HRK: variants seen among roughly 807,000 people sequenced by gnomAD.
The protein encoded by HRK is harakiri, BCL2 interacting protein, also known as activator of apoptosis harakiri.
Under a neutral mutation model 5.9 loss-of-function variants are expected in HRK, and 6 were observed. The ratio of observed to expected loss-of-function variants is 1.02; its 90% CI spans 0.56 to 2.01. The LOEUF (loss-of-function observed/expected upper bound fraction) is 2.01, where lower values mean the gene tolerates loss of function less well. HRK is among the 30% of genes most tolerant of loss of function. The probability of loss-of-function intolerance (pLI) is 0.00; values close to 1 mark genes in which losing one functional copy is unlikely to be tolerated. For synonymous variants in HRK, 85 were observed against 65.1 expected, an observed-to-expected ratio of 1.31 and a Z score of -1.47; for missense variants, 133 against 128.3, an observed-to-expected ratio of 1.04 and a Z score of -0.18.
intron 1 of HRK, among the ~76,000 whole-genome samples, chr12:116,870,278 G>A (rs1878700516): frequency 6.6e-6 from 1 of 152,192 alleles, no homozygotes; most frequent in African/African-American, 2.4e-5. Context: ...AATATTAGAT[G>A]AACATGATTC....
chr12:116,876,338 G>A (rs1028581335), intron 1 of HRK, among the ~76,000 whole-genome samples: 1 of 152,236 alleles, frequency 6.6e-6, no homozygotes, highest in Non-Finnish European at 1.5e-5. Context: ...TCTGGCAGGG[G>A]TGCTGCGAGC....
chr12:116,864,479 A>G (rs1322729954), intron 1 of HRK, among the ~76,000 whole-genome samples: 2 of 152,210 alleles, frequency 1.3e-5, no homozygotes, highest in African/African-American at 4.8e-5. Context: ...TGGGGTTACA[A>G]TTACCAGGGA....
At position 116,879,760 on chromosome 12, in the gene HRK, G is replaced by C. The variant is rs1416130405; in HGVS notation, c.*56+1216C>G. The C allele has an allele frequency of 6.6e-6, 1 of 152,220 alleles. No homozygotes were observed. The highest frequency in any genetic ancestry group is 1.9e-4 in the East Asian group (1 of 5,188). The allele number at this position is 152,220 out of a possible 1,614,324, so 9.4% of individuals were successfully genotyped here. ...TGCCACCCCCCACGCTCCGGCTGCC[G>C]CCTTTCCCCGCGGGCGCAGACGCTC... On this transcript the variant is annotated intron_variant, in intron 1 of 1. Coordinates refer to ENST00000257572, the MANE Select transcript of HRK (RefSeq NM_003806.4). This position sits in a 1 kb window ranked among gnomAD's most constrained non-coding sequence, Gnocchi z 5.6.
intron 1 of HRK, among the ~76,000 whole-genome samples, chr12:116,874,621 G>C (rs1180186210): frequency 6.6e-6 from 1 of 152,168 alleles, no homozygotes; most frequent in East Asian, 1.9e-4. Flanking sequence ...GCCCCACCTT[G>C]AATCTGTATC....
rs1326783591 is a variant in HRK, at chr12:116,858,834, CAAG to C, written c.*2686_*2688del. 2 of 149,612 alleles carry C rather than the reference CAAG, an allele frequency of 1.3e-5. No individual in the cohort carries two copies. The highest frequency in any genetic ancestry group is 3.9e-4 in the East Asian group (2 of 5,068). 9.3% of individuals were successfully genotyped at this position (149,612 alleles called of 1,614,324 possible). A position where few individuals can be genotyped will look rare whatever the true frequency, so the allele number is the denominator to read the frequency against. Reference sequence around the variant, plus strand: ...CACTGTGGAAATATTTTTTAAAAAACAAGAACCACCCCACTATCTCATGCAATC... The same window carrying C: ...CACTGTGGAAATATTTTTTAAAAAACAACCACCCCACTATCTCATGCAATC... On this transcript the variant is annotated 3_prime_UTR_variant, in exon 2 of 2. Coordinates refer to ENST00000257572, the MANE Select transcript of HRK (RefSeq NM_003806.4).
rs1283765215 is a variant in HRK at position 116,879,875 on chromosome 12, AT to A, written c.*56+1100del. Among the ~76,000 whole-genome samples the A allele has an allele frequency of 1.3e-5, 2 of 152,076 alleles. No homozygotes were observed. Among genetic ancestry groups the A allele is most frequent in the Non-Finnish European group, 2.9e-5 (2 of 67,988 alleles). ...GGCGGGGACCTAAGGGCGGCTGGCT[AT>A]GTCACCTTCGAGCTTCACCTTCCGG... On this transcript the variant is annotated intron_variant, in intron 1 of 1. Coordinates refer to ENST00000257572, the MANE Select transcript of HRK (RefSeq NM_003806.4). This position sits in a 1 kb window ranked among gnomAD's most constrained non-coding sequence, Gnocchi z 5.6.
Position 116,858,062 on chromosome 12 carries a change from A to G in HRK, c.*3461T>C, listed in dbSNP as rs2137239482. ...GAGTGAGACTCTGTCTCAAAATAAA[A>G]TAGAAGAAGAAGAAGAAGTGGAAAA... is the stretch of plus-strand genomic sequence containing the variant. On this transcript the variant is annotated 3_prime_UTR_variant, in exon 2 of 2. Coordinates refer to ENST00000257572, the MANE Select transcript of HRK (RefSeq NM_003806.4). The G allele has an allele frequency of 6.7e-6, 1 of 149,552 alleles. No homozygotes were observed. The highest frequency in any genetic ancestry group is 2.0e-4 in the East Asian group (1 of 5,012). 9.3% of individuals were successfully genotyped at this position (149,552 alleles called of 1,614,324 possible).
At chr12:116,871,973 T>A (rs1487114596) in intron 1 of HRK, among the ~76,000 whole-genome samples, 4 of 151,794 alleles carry the variant, frequency 2.6e-5, no homozygotes, top group African/African-American at 9.7e-5. Context: ...CAGGTTGGAG[T>A]ACAGTGGTGT....
In HRK at chr12:116,859,611, C is replaced by T. The variant is rs1397021483; in HGVS notation, c.*1912G>A. 8 of 150,686 alleles carry T rather than the reference C, an allele frequency of 5.3e-5. No homozygotes were observed. The highest frequency in any genetic ancestry group is 8.8e-5 in the Non-Finnish European group (6 of 67,830). 9.3% of individuals were successfully genotyped at this position (150,686 alleles called of 1,614,324 possible). On this transcript the variant is annotated 3_prime_UTR_variant, in exon 2 of 2. Coordinates refer to ENST00000257572, the MANE Select transcript of HRK (RefSeq NM_003806.4). ...AGGGCACGAGTAATGAGGAGAAACA[C>T]GTTCTCCCAAAATAAGCATTATTCT...
chr12:116,857,689 G>GT lies in HRK; in HGVS notation c.*3833dup, dbSNP rs1878200867. On this transcript the variant is annotated 3_prime_UTR_variant, in exon 2 of 2. Coordinates refer to ENST00000257572, the MANE Select transcript of HRK (RefSeq NM_003806.4). ...ACATACATTGTGAAAACCAGTCACA[G>GT]TTTCATTTTTCTGTGACAGTATTGG... The GT allele has an allele frequency of 6.6e-6, 1 of 152,190 alleles. No homozygotes were observed. Among genetic ancestry groups the GT allele is most frequent in the Admixed American group, 6.5e-5 (1 of 15,268 alleles). The allele number at this position is 152,190 out of a possible 1,614,324, so 9.4% of individuals were successfully genotyped here. A position where few individuals can be genotyped will look rare whatever the true frequency, so the allele number is the denominator to read the frequency against.
chr12:116,881,148 C>T lies in HRK; in HGVS notation c.160G>A (p.Ala54Thr). 2.5e-6 allele frequency: 3 copies of T among 1,185,640 alleles called. No homozygotes were observed. The highest frequency in any genetic ancestry group is 3.1e-6 in the Non-Finnish European group (3 of 959,936). 73.4% of individuals were successfully genotyped at this position (1,185,640 alleles called of 1,614,324 possible). ...GGCGCCGGCGCCCTCCGGCTCCGCG[C>T]GCGGCGCCGCCACATGGTGCGCTGG... is the stretch of plus-strand genomic sequence containing the variant. ...LHQRTMWRRRARSRRAPAPGA... is the reference protein window; with the variant it reads ...LHQRTMWRRRTRSRRAPAPGA... The change falls in exon 1 of 2, where the codon GCG becomes ACG. Residue 54 changes from alanine (A) to threonine (T), a missense_variant. Physicochemically the swap from Ala to Thr is moderately conservative, Grantham distance 58. Coordinates refer to ENST00000257572, the MANE Select transcript of HRK (RefSeq NM_003806.4).
chr12:116,865,520 C>A, intron 1 of HRK, among the ~76,000 whole-genome samples: 1 of 152,182 alleles, frequency 6.6e-6, no homozygotes, highest in East Asian at 1.9e-4. Context: ...GAGCCAGACC[C>A]TGTCTCAATA....
chr12:116,880,949 C>G, intron 1 of HRK, 27 bp downstream of exon 1: 3 of 1,094,808 alleles, frequency 2.7e-6, no homozygotes, highest in Non-Finnish European at 3.5e-6. Context: ...CTGCCGCGCC[C>G]CGGCTCTCGC....
At chr12:116,880,225 G>A (rs1209779601) in intron 1 of HRK, among the ~76,000 whole-genome samples, 1 of 152,194 alleles carries the variant, frequency 6.6e-6, no homozygotes, top group Non-Finnish European at 1.5e-5. Flanking sequence ...GCTTCCCATT[G>A]GAGTTTCCCT....
chr12:116,865,066 A>G (rs79427865), intron 1 of HRK, among the ~76,000 whole-genome samples: 6,449 of 152,172 alleles, frequency 0.042, 324 homozygotes, highest in East Asian at 0.13. Context: ...ACTTGAACCC[A>G]CAAGGTCCTG....
chr12:116,858,985 C>T lies in HRK; in HGVS notation c.*2538G>A, dbSNP rs1173467701. 6.6e-6 allele frequency: 1 copy of T among 152,018 alleles called. No homozygotes were observed. Among genetic ancestry groups the T allele is most frequent in the African/African-American group, 2.4e-5 (1 of 41,380 alleles). The allele number at this position is 152,018 out of a possible 1,614,324, so 9.4% of individuals were successfully genotyped here. On this transcript the variant is annotated 3_prime_UTR_variant, in exon 2 of 2. Coordinates refer to ENST00000257572, the MANE Select transcript of HRK (RefSeq NM_003806.4). ...ATAAAAACAAGCATTAAAAACAACC[C>T]CGTGTCAAAAATCGGGGCAGTCGAG...
chr12:116,864,094 C>T (rs1012380892), intron 1 of HRK, among the ~76,000 whole-genome samples: 4 of 152,160 alleles, frequency 2.6e-5, no homozygotes, highest in Non-Finnish European at 5.9e-5. Context: ...TGGAATTAGT[C>T]ATCAATCAAC....
intron 1 of HRK, among the ~76,000 whole-genome samples, chr12:116,877,217 ATTTTTTTTT>A (rs377267721): frequency 7.0e-6 from 1 of 143,288 alleles, no homozygotes; most frequent in Non-Finnish European, 1.5e-5. Context: ...TGCCCAGCTA[ATTTTTTTTT>A]TTTTTTTTTG....
At chr12:116,873,044 C>T (rs2137251680) in intron 1 of HRK, among the ~76,000 whole-genome samples, 1 of 152,346 alleles carries the variant, frequency 6.6e-6, no homozygotes, top group East Asian at 1.9e-4. Context: ...GAAAGGACTG[C>T]AATCTTCTGC....
Sources: gnomAD v4.1 joint callset for allele counts (sites outside exome capture counted in the v4.1 genomes callset) on GRCh38, gnomAD v4.1.1 for gene constraint, Gnocchi (gnomAD v3.1) non-coding constraint, MANE v1.5 for transcripts, NCBI Gene and HGNC (gene_info 2026-07-23, HGNC 2026-07-21) for gene names.